ATP5PB: variants seen among roughly 807,000 people sequenced by gnomAD.
ATP5PB encodes ATP synthase peripheral stalk subunit b, mitochondrial.
Under a neutral mutation model 34.5 loss-of-function variants are expected in ATP5PB, and 21 were observed. That is an observed-to-expected ratio of 0.61 (90% CI 0.43 to 0.88). The LOEUF is 0.88. Among genes scored for constraint, ATP5PB ranks in the 40% least tolerant of loss-of-function variants. ATP5PB has a pLI of 0.00. For missense variants in ATP5PB, 293 were observed against 317.4 expected (o/e 0.92, Z 0.58); for synonymous variants, 108 against 114.1 (o/e 0.95, Z 0.34).
Position 111,454,205 on chromosome 1 carries a change from C to T in ATP5PB, c.78-6C>T, listed in dbSNP as rs1378153086. 6.3e-7 allele frequency: 1 copy of T among 1,576,692 alleles called. No individual in the cohort carries two copies. The highest frequency in any genetic ancestry group is 8.6e-7 in the Non-Finnish European group (1 of 1,167,110). On this transcript the variant is annotated splice_polypyrimidine_tract_variant and splice_region_variant and intron_variant, in intron 2 of 6. Coordinates refer to ENST00000369722, the MANE Select transcript of ATP5PB (RefSeq NM_001688.5). Reference sequence around the variant, plus strand: ...GGCTTTACATTTGTACAATTACTACCTGTAGGGTATTGCAGGCAACAAGGA... The same window carrying T: ...GGCTTTACATTTGTACAATTACTACTTGTAGGGTATTGCAGGCAACAAGGA...
chr1:111,452,325 T>C (rs968239002), intron 2 of ATP5PB, among the ~76,000 whole-genome samples: 1 of 152,046 alleles, frequency 6.6e-6, no homozygotes, highest in Admixed American at 6.6e-5. Flanking sequence ...TTCAGCACTT[T>C]GGGAGGCCGA....
rs1178830419 is a variant in ATP5PB at position 111,452,333 on chromosome 1, C to T, written c.78-1878C>T. On this transcript the variant is annotated intron_variant, in intron 2 of 6. Transcript: ENST00000369722. ...CTGTAATTTCAGCACTTTGGGAGGC[C>T]GAGACGGCAGATCACAGTAGTTTGA... Among the ~76,000 whole-genome samples the T allele has an allele frequency of 3.3e-5, 5 of 151,974 alleles. No individual in the cohort carries two copies. The South Asian group carries it at 8.3e-4, about 25-fold the overall frequency.
chr1:111,455,427 T>C (rs1435113865), intron 3 of ATP5PB, among the ~76,000 whole-genome samples: 5 of 152,188 alleles, frequency 3.3e-5, no homozygotes, highest in African/African-American at 1.2e-4. Flanking sequence ...TACTGTAAAA[T>C]GCTTTCCTAA....
In ATP5PB at chr1:111,454,212, G is replaced by T. The variant is rs770878179; in HGVS notation, c.79G>T (p.Val27Leu). The change falls in exon 3 of 7, where the codon GTA (valine) becomes TTA (leucine). Residue 27 changes from valine (V) to leucine (L), a missense_variant and splice_region_variant. Transcript: ENST00000369722. ...CATTTGTACAATTACTACCTGTAGG[G>T]TATTGCAGGCAACAAGGACCTTTCA... ...LKNAAFLGPGVLQATRTFHTG... is the reference protein window; with the variant it reads ...LKNAAFLGPGLLQATRTFHTG... 15 of 1,587,174 alleles carry T rather than the reference G, an allele frequency of 9.5e-6. No individual in the cohort carries two copies. In the East Asian group the frequency reaches 2.5e-4, roughly 26 times the overall value.
At chr1:111,456,790 A>G (rs1457427434) in intron 5 of ATP5PB, 35 bp downstream of exon 5, 1 of 1,545,128 alleles carries the variant, frequency 6.5e-7, no homozygotes, top group Admixed American at 2.1e-5. Flanking sequence ...GAATGAAGTT[A>G]CTTGTTGTGT....
At chr1:111,457,261 T>A (rs1163800524) in intron 5 of ATP5PB, among the ~76,000 whole-genome samples, 1 of 151,938 alleles carries the variant, frequency 6.6e-6, no homozygotes, top group Non-Finnish European at 1.5e-5. Context: ...TGGAGTTAGC[T>A]GTGATCCCAC....
At chr1:111,449,660 G>A (rs1213267469) in intron 1 of ATP5PB, 79 bp downstream of exon 1, 15 of 1,555,224 alleles carry the variant, frequency 9.6e-6, no homozygotes, top group Non-Finnish European at 1.3e-5. Flanking sequence ...GAGGGGAGAA[G>A]GGCGCAGCGA....
rs181404969 is a variant in ATP5PB at position 111,454,435 on chromosome 1, G to T, written c.223+79G>T. 1.7e-3 allele frequency: 2,464 copies of T among 1,474,946 alleles called. 31 individuals are homozygous for T. In the African/African-American group the frequency reaches 0.029, roughly 17 times the overall value. The allele number at this position is 1,474,946 out of a possible 1,614,324, so 91.4% of individuals were successfully genotyped here. A position where few individuals can be genotyped will look rare whatever the true frequency, so the allele number is the denominator to read the frequency against. ...CAAGTTAGGTGGGTTTTCTTCTTTGGTTTTTGTTGTTGTTGTTGTTGTTGT... is the reference window on the plus strand; with the variant it reads ...CAAGTTAGGTGGGTTTTCTTCTTTGTTTTTTGTTGTTGTTGTTGTTGTTGT... On this transcript the variant is annotated intron_variant, in intron 3 of 6. Transcript: ENST00000369722.
At chr1:111,459,737 G>T (rs946239665) in intron 6 of ATP5PB, 101 bp downstream of exon 6, 1 of 1,300,526 alleles carries the variant, frequency 7.7e-7, no homozygotes, top group Non-Finnish European at 1.1e-6. Flanking sequence ...GGAGTCTTTA[G>T]CCTAGAAGTA....
chr1:111,454,821 G>A (rs116772488), intron 3 of ATP5PB, among the ~76,000 whole-genome samples: 2 of 152,164 alleles, frequency 1.3e-5, no homozygotes, highest in African/African-American at 2.4e-5. Context: ...AAATTTATTT[G>A]GGATTTTAAC....
In ATP5PB at chr1:111,452,261, G is replaced by A. The variant is rs906859675; in HGVS notation, c.78-1950G>A. On this transcript the variant is annotated intron_variant, in intron 2 of 6. Transcript: ENST00000369722. Reference sequence around the variant, plus strand: ...AGTAATGTGAGTGGGCTAGGTTTAAGTTGGGGTATTTAATAAGAAGCAGAG... The same window carrying A: ...AGTAATGTGAGTGGGCTAGGTTTAAATTGGGGTATTTAATAAGAAGCAGAG... Among the ~76,000 whole-genome samples, 10 of 152,322 alleles carry A rather than the reference G, an allele frequency of 6.6e-5. No individual in the cohort carries two copies. The East Asian group carries it at 1.9e-3, about 29-fold the overall frequency.
In ATP5PB at chr1:111,460,917, G is replaced by C; in HGVS notation, c.694G>C (p.Glu232Gln). Reference protein sequence around the residue: ...HVVQSISTQQEKETIAKCIAD... With the variant: ...HVVQSISTQQQKETIAKCIAD... ...CCAGATTTCTCTTTCCTTATCACAG[G>C]AAAAGGAGACAATTGCCAAGTGCAT... The change falls in exon 7 of 7, where the codon GAA (glutamate) becomes CAA (glutamine). Residue 232 changes from glutamate to glutamine, a missense_variant and splice_region_variant. Physicochemically the swap from Glu to Gln is conservative, Grantham distance 29. Transcript: ENST00000369722. 1 of 1,613,522 alleles carries C rather than the reference G, an allele frequency of 6.2e-7. No individual in the cohort carries two copies. Among genetic ancestry groups the C allele is most frequent in the Non-Finnish European group, 8.5e-7 (1 of 1,179,684 alleles).
intron 5 of ATP5PB, among the ~76,000 whole-genome samples, chr1:111,457,416 CA>C (rs1653507837): frequency 6.6e-6 from 1 of 151,972 alleles, no homozygotes; most frequent in Non-Finnish European, 1.5e-5. Context: ...ATGCAGCTTC[CA>C]AAACAATCTT....
rs777931213 is a variant in ATP5PB at position 111,459,463 on chromosome 1, A to G, written c.520A>G (p.Ile174Val). 14 of 1,602,304 alleles carry G rather than the reference A, an allele frequency of 8.7e-6. No homozygotes were observed. The South Asian group carries it at 1.0e-4, about 12-fold the overall frequency. The change falls in exon 6 of 7, where the codon ATT becomes GTT. Residue 174 changes from isoleucine to valine, a missense_variant. By Grantham distance (29) the Ile-to-Val change is conservative (BLOSUM62 3). Coordinates refer to ENST00000369722, the MANE Select transcript of ATP5PB (RefSeq NM_001688.5). ...TTTCTTAATTTTGCCCCAGAATAAC[A>G]TTGCTATGGCTTTGGAAGTTACTTA... is the stretch of plus-strand genomic sequence containing the variant. ...HYLFDVQRNN[I>V]AMALEVTYRE...
chr1:111,456,573 T>TC (rs1319484996), intron 4 of ATP5PB, 57 bp from the exon 5 acceptor site: 2 of 1,565,692 alleles, frequency 1.3e-6, no homozygotes, highest in Non-Finnish European at 1.7e-6. Context: ...GAAATGAATC[T>TC]CCTTTTTTTA....
intron 3 of ATP5PB, among the ~76,000 whole-genome samples, chr1:111,455,119 T>C (rs1191380014): frequency 6.6e-6 from 1 of 152,128 alleles, no homozygotes; most frequent in Non-Finnish European, 1.5e-5. Context: ...CATACCCAAG[T>C]ATTGCTATGA....
intron 4 of ATP5PB, 113 bp from the exon 5 acceptor site, chr1:111,456,516 CT>C: frequency 7.3e-7 from 1 of 1,363,070 alleles, no homozygotes. Context: ...TTCTATGTTT[CT>C]TTGTGGGTGT....
At chr1:111,460,696 G>T (rs1023266478) in intron 6 of ATP5PB, among the ~76,000 whole-genome samples, 6 of 152,104 alleles carry the variant, frequency 3.9e-5, no homozygotes, top group Admixed American at 6.5e-5. Flanking sequence ...GTGAGCCAGG[G>T]AATTTTAACT....
At chr1:111,459,996 C>G (rs537942151) in intron 6 of ATP5PB, among the ~76,000 whole-genome samples, 2 of 152,022 alleles carry the variant, frequency 1.3e-5, no homozygotes, top group East Asian at 3.9e-4. Flanking sequence ...GAGATCCTGT[C>G]TCTACAAAAA....
Sources: allele counts gnomAD v4.1 joint callset (sites outside exome capture counted in the v4.1 genomes callset), GRCh38; gene constraint gnomAD v4.1.1; transcripts MANE v1.5; gene names NCBI Gene and HGNC (gene_info 2026-07-23, HGNC 2026-07-21).